The following TXNDC16 variants were observed in gnomAD, a reference collection of about 807,000 sequenced individuals.
The protein encoded by TXNDC16 is thioredoxin domain containing 16, also known as thioredoxin domain-containing protein 16.
In TXNDC16, 74 loss-of-function variants were observed where a neutral mutation model predicts 85.6. That is an observed-to-expected ratio of 0.86 (90% confidence interval 0.72 to 1.05). TXNDC16 has a LOEUF of 1.05. TXNDC16 is among the 50% of genes least tolerant of loss of function. TXNDC16 has a pLI of 0.00. For missense variants in TXNDC16, 959 were observed against 947.0 expected (o/e 1.01, Z -0.17); for synonymous variants, 335 against 326.5 (o/e 1.03, Z -0.28).
chr14:52,532,638 G>A (rs990592529), intron 6 of TXNDC16, among the ~76,000 whole-genome samples: 7 of 151,922 alleles, frequency 4.6e-5, no homozygotes, highest in Non-Finnish European at 1.0e-4. Context: ...GGGTTTCACC[G>A]TGTTAGCCAG....
At chr14:52,480,678 G>A (rs563897016) in intron 14 of TXNDC16, among the ~76,000 whole-genome samples, 1 of 152,090 alleles carries the variant, frequency 6.6e-6, no homozygotes, top group African/African-American at 2.4e-5. Flanking sequence ...AATAATAGAT[G>A]TTGGCGTGGA....
rs377461561 is a variant in TXNDC16, at chr14:52,440,762, T to C, written c.1843-38A>G. The C allele has an allele frequency of 5.5e-5, 87 of 1,588,276 alleles. No homozygotes were observed. In the Admixed American group the frequency reaches 5.8e-4, roughly 11 times the overall value. Reference sequence around the variant, plus strand: ...AGGAATAACAACAATAAAAAATGCATTGGGGATGATAATGCATACCACAGA... The same window carrying C: ...AGGAATAACAACAATAAAAAATGCACTGGGGATGATAATGCATACCACAGA... On this transcript the variant is annotated intron_variant, in intron 18 of 20. Coordinates refer to ENST00000281741, the MANE Select transcript of TXNDC16 (RefSeq NM_020784.3).
intron 18 of TXNDC16, among the ~76,000 whole-genome samples, chr14:52,449,891 A>C (rs1292770224): frequency 6.6e-6 from 1 of 152,052 alleles, no homozygotes; most frequent in Non-Finnish European, 1.5e-5. Context: ...GAAATTTTAA[A>C]ATTTCTTGGA....
chr14:52,544,184 A>C (rs2037893512), intron 2 of TXNDC16, 80 bp downstream of exon 2: 1 of 152,126 alleles, frequency 6.6e-6, no homozygotes, highest in Non-Finnish European at 1.5e-5. Context: ...TTTTCAACTC[A>C]TACTTTAATT....
intron 9 of TXNDC16, among the ~76,000 whole-genome samples, chr14:52,499,877 ATTAT>A (rs1391192847): frequency 6.6e-6 from 1 of 152,130 alleles, no homozygotes; most frequent in Admixed American, 6.5e-5. Context: ...TCATCTCTAG[ATTAT>A]TTATAATATC....
At chr14:52,490,634 C>T (rs2036378680) in intron 10 of TXNDC16, among the ~76,000 whole-genome samples, 183 bp from the exon 11 acceptor site, 1 of 152,112 alleles carries the variant, frequency 6.6e-6, no homozygotes, top group Non-Finnish European at 1.5e-5. Context: ...ATCTTAATCT[C>T]CATCTTTATT....
chr14:52,528,682 T>C (rs1200040258), intron 6 of TXNDC16, among the ~76,000 whole-genome samples: 1 of 150,840 alleles, frequency 6.6e-6, no homozygotes, highest in Non-Finnish European at 1.5e-5. Context: ...AATATCCTTA[T>C]TATAAGTGAA....
At chr14:52,479,720 C>G (rs1427973361) in intron 14 of TXNDC16, among the ~76,000 whole-genome samples, 1 of 152,102 alleles carries the variant, frequency 6.6e-6, no homozygotes, top group Non-Finnish European at 1.5e-5. Flanking sequence ...TGGGTAGAAT[C>G]AGTATTGTGA....
chr14:52,532,495 G>A (rs1271593242), intron 6 of TXNDC16, among the ~76,000 whole-genome samples: 1 of 151,798 alleles, frequency 6.6e-6, no homozygotes, highest in African/African-American at 2.4e-5. Flanking sequence ...GGAGTGCAGT[G>A]GCGCGATCTC....
chr14:52,529,886 A>ATAT (rs2037451587), intron 6 of TXNDC16, among the ~76,000 whole-genome samples: 1 of 103,518 alleles, frequency 9.7e-6, no homozygotes, highest in African/African-American at 4.0e-5. Context: ...TATATATATG[A>ATAT]ATTATATATT....
At chr14:52,529,248 G>A (rs1040762265) in intron 6 of TXNDC16, among the ~76,000 whole-genome samples, 1 of 147,334 alleles carries the variant, frequency 6.8e-6, no homozygotes, top group Non-Finnish European at 1.5e-5. Context: ...AACACCGCAT[G>A]TTCTCACACA....
chr14:52,509,135 A>C (rs1488007101), intron 9 of TXNDC16, among the ~76,000 whole-genome samples: 1 of 152,084 alleles, frequency 6.6e-6, no homozygotes, highest in Non-Finnish European at 1.5e-5. Context: ...CTTATTATCT[A>C]TCAAAGAAAA....
intron 14 of TXNDC16, among the ~76,000 whole-genome samples, chr14:52,473,756 TA>T (rs989593828): frequency 3.3e-5 from 5 of 152,206 alleles, no homozygotes; most frequent in African/African-American, 1.2e-4. Context: ...TATGTAAGTA[TA>T]AAATTTTGAC....
intron 14 of TXNDC16, among the ~76,000 whole-genome samples, chr14:52,481,523 A>C (rs374950287): frequency 1.3e-5 from 2 of 152,164 alleles, no homozygotes; most frequent in African/African-American, 4.8e-5. Context: ...ATTATTGAAA[A>C]CCAGATATTC....
chr14:52,449,160 T>TA (rs61582587), intron 18 of TXNDC16, among the ~76,000 whole-genome samples: 14,273 of 150,290 alleles, frequency 0.095, 759 homozygotes, highest in East Asian at 0.18. Context: ...CTGAAGAGAT[T>TA]AAAAAAAAAT....
chr14:52,473,878 G>A (rs1276109994), intron 14 of TXNDC16, among the ~76,000 whole-genome samples: 1 of 142,092 alleles, frequency 7.0e-6, no homozygotes, highest in Non-Finnish European at 1.5e-5. Context: ...ACAGATGATA[G>A]GACTAAATGC....
chr14:52,432,607 A>C lies in TXNDC16; in HGVS notation c.2195-20T>G. 1 of 1,585,010 alleles carries C rather than the reference A, an allele frequency of 6.3e-7. No homozygotes were observed. The highest frequency in any genetic ancestry group is 8.6e-7 in the Non-Finnish European group (1 of 1,167,914). ...AAATTGCTGGAAGGAAGAAACAATC[A>C]AAGGTTAAAGATTAACAGCTATAAA... On this transcript the variant is annotated intron_variant, in intron 20 of 20. Coordinates refer to ENST00000281741, the MANE Select transcript of TXNDC16 (RefSeq NM_020784.3).
chr14:52,491,561 T>C (rs568801684), intron 9 of TXNDC16, among the ~76,000 whole-genome samples: 1 of 147,918 alleles, frequency 6.8e-6, no homozygotes, highest in East Asian at 2.0e-4. Context: ...AAAATTACAA[T>C]CATAAAGAAT....
chr14:52,514,512 A>C (rs986732658), intron 8 of TXNDC16, among the ~76,000 whole-genome samples: 3 of 152,178 alleles, frequency 2.0e-5, no homozygotes, highest in Non-Finnish European at 2.9e-5. Flanking sequence ...TATTATGACA[A>C]AGTAACTTAC....
Sources: gnomAD v4.1 joint callset for allele counts (sites outside exome capture counted in the v4.1 genomes callset) on GRCh38, gnomAD v4.1.1 for gene constraint, MANE v1.5 for transcripts, NCBI Gene and HGNC (gene_info 2026-07-23, HGNC 2026-07-21) for gene names.